Variants in NCKAP5 observed in about 807,000 individuals in gnomAD.
The protein encoded by NCKAP5 is NCK associated protein 5, also known as nck-associated protein 5.
NCKAP5 carries 92 observed loss-of-function variants against 167.0 expected under a neutral mutation model. That is an observed-to-expected ratio of 0.55 (90% CI 0.47 to 0.66). NCKAP5 has a LOEUF of 0.66. Ranked by LOEUF, NCKAP5 falls within the 30% of genes least tolerant of loss-of-function variation. The pLI is 0.00. For missense variants in NCKAP5, 2,378 were observed against 2,315.0 expected (o/e 1.03, Z -0.56); for synonymous variants, 891 against 877.4 (o/e 1.02, Z -0.27).
At position 132,673,380 on chromosome 2, in the gene NCKAP5, T is replaced by C. The variant is rs569497072; in HGVS notation, c.5714-75A>G. 4.0e-6 allele frequency: 5 copies of C among 1,236,764 alleles called. No individual in the cohort carries two copies. In the South Asian group the frequency reaches 4.5e-5, roughly 11 times the overall value. 76.6% of individuals were successfully genotyped at this position (1,236,764 alleles called of 1,614,324 possible). A position where few individuals can be genotyped will look rare whatever the true frequency, so the allele number is the denominator to read the frequency against. ...AGTTATCCTATCTAATATTCAATTATTGTCTGTATAAAGTACAGTTTAAAG... is the reference window on the plus strand; with the variant it reads ...AGTTATCCTATCTAATATTCAATTACTGTCTGTATAAAGTACAGTTTAAAG... On this transcript the variant is annotated intron_variant, in intron 19 of 19. Transcript: ENST00000409261.
In NCKAP5 at chr2:132,832,566, C is replaced by G. The variant is rs140910470; in HGVS notation, c.807+27926G>C. Among the ~76,000 whole-genome samples the G allele has an allele frequency of 7.6e-3, 1,158 of 152,212 alleles. 14 individuals carry two copies. Among genetic ancestry groups the G allele is most frequent in the African/African-American group, 0.027 (1,108 of 41,554 alleles). ...TCTCTACTGTCTATAATTCCATTCT[C>G]TACAACCATGTGTACATATATTTTA... On this transcript the variant is annotated intron_variant, in intron 11 of 19. Transcript: ENST00000409261.
intron 11 of NCKAP5, among the ~76,000 whole-genome samples, chr2:132,846,950 TTAAG>T (rs1350571290): frequency 1.3e-5 from 2 of 150,076 alleles, no homozygotes; most frequent in African/African-American, 5.0e-5. Context: ...ATTTCATTAA[TTAAG>T]TAAATTCAAT....
intron 16 of NCKAP5, among the ~76,000 whole-genome samples, chr2:132,768,870 A>C (rs1368124980): frequency 6.7e-6 from 1 of 148,552 alleles, no homozygotes; most frequent in South Asian, 2.1e-4. Flanking sequence ...GGATCTCCTG[A>C]CCTCGTGATC....
intron 4 of NCKAP5, among the ~76,000 whole-genome samples, chr2:133,250,030 T>TATTATTATTATTATC (rs1237444831): frequency 6.7e-6 from 1 of 148,334 alleles, no homozygotes; most frequent in Non-Finnish European, 1.5e-5. Flanking sequence ...TTATTATTAT[T>TATTATTATTATTATC]ATTATTTTAC....
chr2:133,248,915 T>C (rs2088148852), intron 4 of NCKAP5, among the ~76,000 whole-genome samples: 1 of 152,228 alleles, frequency 6.6e-6, no homozygotes, highest in Non-Finnish European at 1.5e-5. Flanking sequence ...TGCTCCTCAC[T>C]ACTCAGTTTT....
In NCKAP5 at chr2:133,172,135, G is replaced by A. The variant is rs1225078752; in HGVS notation, c.207+41581C>T. 2.6e-5 allele frequency among the ~76,000 whole-genome samples: 4 copies of A among 152,278 alleles called. 1 individual carries two copies. The East Asian group carries it at 7.7e-4, about 29-fold the overall frequency. On this transcript the variant is annotated intron_variant, in intron 5 of 19. Coordinates refer to ENST00000409261, the MANE Select transcript of NCKAP5 (RefSeq NM_207363.3). Reference sequence around the variant, plus strand: ...ACCTATTTATCATTAAGCCAAAAATGTAGATAACCTTACAAATGGCGTAAA... The same window carrying A: ...ACCTATTTATCATTAAGCCAAAAATATAGATAACCTTACAAATGGCGTAAA...
intron 3 of NCKAP5, among the ~76,000 whole-genome samples, chr2:133,388,737 G>A (rs892515159): frequency 5.3e-5 from 8 of 152,340 alleles, no homozygotes; most frequent in South Asian, 2.1e-4. Flanking sequence ...CAGCAATGGT[G>A]GGCGCCCCTC....
At chr2:133,185,129 A>C (rs572816797) in intron 5 of NCKAP5, among the ~76,000 whole-genome samples, 1 of 152,118 alleles carries the variant, frequency 6.6e-6, no homozygotes, top group African/African-American at 2.4e-5. Flanking sequence ...TCTTGTGTTA[A>C]TTTCTGTATA....
chr2:133,177,189 C>CACATATAA (rs2084506783), intron 5 of NCKAP5, among the ~76,000 whole-genome samples: 1 of 97,446 alleles, frequency 1.0e-5, no homozygotes. Flanking sequence ...TATATATATA[C>CACATATAA]TCAAGAAACT....
intron 3 of NCKAP5, among the ~76,000 whole-genome samples, chr2:133,401,073 G>A (rs1254838226): frequency 6.6e-6 from 1 of 152,148 alleles, no homozygotes; most frequent in Non-Finnish European, 1.5e-5. Flanking sequence ...TAGAGGGTTG[G>A]GAGGTGAAAG....
intron 3 of NCKAP5, among the ~76,000 whole-genome samples, chr2:133,465,100 T>A (rs1482075694): frequency 6.6e-6 from 1 of 151,784 alleles, no homozygotes; most frequent in African/African-American, 2.4e-5. Flanking sequence ...GCTGGTGTGC[T>A]GTACCCACTA....
At position 132,725,728 on chromosome 2, in the gene NCKAP5, G is replaced by A; in HGVS notation, c.5612C>T (p.Ala1871Val). 1 of 1,613,576 alleles carries A rather than the reference G, an allele frequency of 6.2e-7. No individual in the cohort carries two copies. The highest frequency in any genetic ancestry group is 8.5e-7 in the Non-Finnish European group (1 of 1,179,752). The change falls in exon 19 of 20, where the codon GCC becomes GTC. Residue 1871 changes from alanine (A) to valine (V), a missense_variant. By Grantham distance (64) the Ala-to-Val change is moderately conservative. Around this residue, in one of 3 missense-constraint regions of NCKAP5, gnomAD observed 1,325 missense variants for 1,274.5 expected, o/e 1.04. Coordinates refer to ENST00000409261, the MANE Select transcript of NCKAP5 (RefSeq NM_207363.3). The stretch of plus-strand genomic sequence containing the variant: ...ACTGTCACTATTACTGCCACCGCTG[G>A]CAGAGTACGTACACATTCTGGGTGC... The part of the protein sequence containing the change: ...DKAPRMCTYS[A>V]SGGSNSDSDL...
chr2:132,814,558 T>C (rs377627681), intron 11 of NCKAP5, among the ~76,000 whole-genome samples: 6 of 152,316 alleles, frequency 3.9e-5, no homozygotes, highest in African/African-American at 1.4e-4. Context: ...ATTTTTCTAT[T>C]AGTTTGTTAA....
At chr2:133,524,040 A>G (rs1684679907) in intron 2 of NCKAP5, among the ~76,000 whole-genome samples, 1 of 152,198 alleles carries the variant, frequency 6.6e-6, no homozygotes, top group South Asian at 2.1e-4. Flanking sequence ...AGTGGCTGTC[A>G]AGCTTTGCCG....
At chr2:133,079,176 C>A (rs139248554) in intron 6 of NCKAP5, among the ~76,000 whole-genome samples, 19 of 152,272 alleles carry the variant, frequency 1.2e-4, no homozygotes, top group Non-Finnish European at 2.5e-4. Context: ...ACATTCATAT[C>A]TTTTGTCCTA....
intron 11 of NCKAP5, among the ~76,000 whole-genome samples, chr2:132,802,244 C>CTTAT (rs1189742224): frequency 3.3e-5 from 5 of 152,198 alleles, no homozygotes; most frequent in African/African-American, 7.2e-5. Context: ...ACTCTGTCAC[C>CTTAT]TTGGCTAGCT....
chr2:132,911,891 C>T (rs1694482415), intron 8 of NCKAP5, among the ~76,000 whole-genome samples: 1 of 152,214 alleles, frequency 6.6e-6, no homozygotes, highest in Non-Finnish European at 1.5e-5. Flanking sequence ...CGGGCCCTCC[C>T]AGGCCTTCCA....
Position 133,376,829 on chromosome 2 carries a change from C to CT in NCKAP5, c.70-73720_70-73719insA, listed in dbSNP as rs1686178371. On this transcript the variant is annotated intron_variant, in intron 3 of 19. Coordinates refer to ENST00000409261, the MANE Select transcript of NCKAP5 (RefSeq NM_207363.3). ...GGAGCTGAGCCACAGCAGTGCTAGA[C>CT]ATTGCCAGTGGTACCTGTGTGACAT... Among the ~76,000 whole-genome samples, 3 of 152,318 alleles carry CT rather than the reference C, an allele frequency of 2.0e-5. No homozygotes were observed. The East Asian group carries it at 5.8e-4, about 29-fold the overall frequency.
chr2:133,283,862 C>T (rs574550676), intron 4 of NCKAP5, among the ~76,000 whole-genome samples: 16 of 152,184 alleles, frequency 1.1e-4, no homozygotes, highest in African/African-American at 3.6e-4. Context: ...CCGCCCGCCT[C>T]GGCCTCCCAA....
Sources: allele counts gnomAD v4.1 joint callset (sites outside exome capture counted in the v4.1 genomes callset), GRCh38; gene constraint gnomAD v4.1.1; regional missense constraint gnomAD v4.1.1; transcripts MANE v1.5; gene names NCBI Gene and HGNC (gene_info 2026-07-23, HGNC 2026-07-21).